CD38: variants seen among roughly 807,000 people sequenced by gnomAD.
CD38 encodes the protein CD38 molecule.
CD38 carries 31 observed loss-of-function variants against 36.3 expected under a neutral mutation model. That is an observed-to-expected ratio of 0.85 (90% CI 0.64 to 1.15). CD38 has a LOEUF of 1.15. Ranked by LOEUF, CD38 falls within the 50% of genes most tolerant of loss-of-function variation. CD38 has a pLI of 0.00. For synonymous variants in CD38, 131 were observed against 135.2 expected (o/e 0.97, Z 0.22); for missense variants, 380 against 371.9 (o/e 1.02, Z -0.18).
chr4:15,803,049 A>G (rs1723263535), intron 1 of CD38, among the ~76,000 whole-genome samples: 1 of 152,224 alleles, frequency 6.6e-6, no homozygotes, highest in Admixed American at 6.5e-5. Flanking sequence ...TGAAGAAAGG[A>G]CACCTTTTTC....
At chr4:15,830,460 T>C (rs1046998857) in intron 3 of CD38, among the ~76,000 whole-genome samples, 2 of 152,176 alleles carry the variant, frequency 1.3e-5, no homozygotes, top group African/African-American at 4.8e-5. Flanking sequence ...TCCTATAGAG[T>C]TGTTTGAATT....
At chr4:15,798,302 C>A (rs966704612) in intron 1 of CD38, among the ~76,000 whole-genome samples, 1 of 152,204 alleles carries the variant, frequency 6.6e-6, no homozygotes, top group African/African-American at 2.4e-5. Context: ...TCCACTCTTC[C>A]ATCTCCCTTG....
intron 3 of CD38, among the ~76,000 whole-genome samples, chr4:15,829,224 A>T (rs1417471341): frequency 1.3e-5 from 2 of 151,424 alleles, no homozygotes; most frequent in African/African-American, 4.9e-5. Context: ...TTGTTTTTTA[A>T]TTTTTAATTT....
chr4:15,787,985 T>C (rs1274419949), intron 1 of CD38, among the ~76,000 whole-genome samples: 1 of 152,214 alleles, frequency 6.6e-6, no homozygotes, highest in East Asian at 1.9e-4. Context: ...TTGTACCCAC[T>C]CCTCGCCCTC....
At chr4:15,779,406 C>T (rs966928396) in intron 1 of CD38, among the ~76,000 whole-genome samples, 1 of 152,156 alleles carries the variant, frequency 6.6e-6, no homozygotes, top group Non-Finnish European at 1.5e-5. Context: ...AGCTACTAAC[C>T]TCTCCTAAAG....
intron 4 of CD38, 48 bp from the exon 5 acceptor site, chr4:15,838,044 A>T (rs768376907): frequency 1.2e-5 from 17 of 1,411,094 alleles, no homozygotes; most frequent in Non-Finnish European, 1.2e-5. Context: ...CTGCTGGAGG[A>T]TGGTGATTAA....
In CD38 at chr4:15,786,150, T is replaced by C. The variant is rs377612835; in HGVS notation, c.233+7503T>C. On this transcript the variant is annotated intron_variant, in intron 1 of 7. Coordinates refer to ENST00000226279, the MANE Select transcript of CD38 (RefSeq NM_001775.4). ...AAAGAGTGAGCAGCAGCAAGATTTA[T>C]TGCAAAGAGCAAAAGAACAAAGCTT... is the stretch of plus-strand genomic sequence containing the variant. Among the ~76,000 whole-genome samples the C allele has an allele frequency of 4.6e-5, 7 of 152,348 alleles. No homozygotes were observed. The East Asian group carries it at 1.4e-3, about 29-fold the overall frequency.
rs759805336 is a variant in CD38 at position 15,849,721 on chromosome 4, T to G, written c.*1119T>G. ...TTGATTTTTTTCTATTTAATTGGGT[T>G]TTGCTCTTCTCTTTAGCATTGGAAA... On this transcript the variant is annotated 3_prime_UTR_variant, in exon 8 of 8. Transcript: ENST00000226279. 3 of 152,228 alleles carry G rather than the reference T, an allele frequency of 2.0e-5. No individual in the cohort carries two copies. Among genetic ancestry groups the G allele is most frequent in the Non-Finnish European group, 2.9e-5 (2 of 68,044 alleles). The allele number at this position is 152,228 out of a possible 1,614,324, so 9.4% of individuals were successfully genotyped here. A position where few individuals can be genotyped will look rare whatever the true frequency, so the allele number is the denominator to read the frequency against.
Position 15,821,454 on chromosome 4 carries a change from TAAAG to T in CD38, c.364-3423_364-3420del, listed in dbSNP as rs569265439. Among the ~76,000 whole-genome samples the T allele has an allele frequency of 1.4e-3, 216 of 151,278 alleles. 1 individual carries two copies. The highest frequency in any genetic ancestry group is 2.6e-3 in the Non-Finnish European group (173 of 67,752). On this transcript the variant is annotated intron_variant, in intron 2 of 7. Coordinates refer to ENST00000226279, the MANE Select transcript of CD38 (RefSeq NM_001775.4). ...ATAGATGGATCGCTAGCTAGACTAA[TAAAG>T]AAAATAGAGAAGAATCAGATAGATA...
chr4:15,840,611 C>T (rs2148928733), intron 7 of CD38, 73 bp downstream of exon 7: 1 of 843,546 alleles, frequency 1.2e-6, no homozygotes, highest in Non-Finnish European at 2.0e-6. Context: ...CCTTAGCCTC[C>T]TCTGAGCTTG....
At chr4:15,835,242 A>G (rs1724041106) in intron 4 of CD38, among the ~76,000 whole-genome samples, 1 of 152,008 alleles carries the variant, frequency 6.6e-6, no homozygotes, top group Admixed American at 6.6e-5. Context: ...CATAAGATCA[A>G]CTTAATTTTA....
intron 1 of CD38, among the ~76,000 whole-genome samples, chr4:15,791,634 C>A (rs1722994404): frequency 2.1e-5 from 2 of 94,928 alleles, no homozygotes; most frequent in Non-Finnish European, 4.0e-5. Context: ...GTGGGGGGGT[C>A]AGCCCCCTGC....
chr4:15,786,995 G>A (rs1297618022), intron 1 of CD38, among the ~76,000 whole-genome samples: 4 of 152,202 alleles, frequency 2.6e-5, no homozygotes, highest in Non-Finnish European at 4.4e-5. Flanking sequence ...GCCCTTCACT[G>A]TCCGGGGCCT....
intron 4 of CD38, 33 bp from the exon 5 acceptor site, chr4:15,838,059 G>T (rs771423105): frequency 4.5e-6 from 7 of 1,568,996 alleles, no homozygotes; most frequent in Admixed American, 3.4e-5. Context: ...GATTAAGTTT[G>T]CATGATGAAT....
At chr4:15,824,814 C>A in intron 2 of CD38, 67 bp from the exon 3 acceptor site, 3 of 1,243,338 alleles carry the variant, frequency 2.4e-6, no homozygotes, top group Non-Finnish European at 3.4e-6. Flanking sequence ...ATTTACAAAA[C>A]TGTGGATTAA....
chr4:15,802,618 A>G (rs1006970157), intron 1 of CD38, among the ~76,000 whole-genome samples: 5 of 151,260 alleles, frequency 3.3e-5, no homozygotes, highest in African/African-American at 9.7e-5. Context: ...GTGCAGTTGC[A>G]TGATCTCAGC....
chr4:15,792,477 A>G (rs1319623291), intron 1 of CD38, among the ~76,000 whole-genome samples: 1 of 151,576 alleles, frequency 6.6e-6, no homozygotes, highest in African/African-American at 2.4e-5. Context: ...AGAAAAGAAA[A>G]GAAAAGCAGC....
At chr4:15,794,519 A>G (rs776689713) in intron 1 of CD38, among the ~76,000 whole-genome samples, 1 of 152,208 alleles carries the variant, frequency 6.6e-6, no homozygotes, top group Admixed American at 6.5e-5. Context: ...AGCTTGTTCA[A>G]GTGATTCTGA....
At chr4:15,813,133 T>C (rs140650430) in intron 1 of CD38, among the ~76,000 whole-genome samples, 1 of 152,324 alleles carries the variant, frequency 6.6e-6, no homozygotes, top group East Asian at 1.9e-4. Context: ...CCTAAATTCC[T>C]TGGCTAGAAC....
Sources: allele counts gnomAD v4.1 joint callset (sites outside exome capture counted in the v4.1 genomes callset), GRCh38; gene constraint gnomAD v4.1.1; transcripts MANE v1.5; gene names NCBI Gene and HGNC (gene_info 2026-07-23, HGNC 2026-07-21).